Variants in CCDC85A observed in about 807,000 individuals in gnomAD.
CCDC85A encodes the protein coiled-coil domain-containing protein 85A.
A neutral mutation model predicts 50.2 loss-of-function variants in CCDC85A; 38 were observed. The observed-to-expected ratio is 0.76, with a 90% CI of 0.58 to 0.99. The LOEUF (loss-of-function observed/expected upper bound fraction) is 0.99, where lower values mean the gene tolerates loss of function less well. Among genes scored for constraint, CCDC85A ranks in the 50% least tolerant of loss-of-function variants. The pLI, the probability that CCDC85A is intolerant of heterozygous loss-of-function variation, is 0.00. For missense variants in CCDC85A, 820 were observed against 742.0 expected, an observed-to-expected ratio of 1.11 and a Z score of -1.22; for synonymous variants, 366 against 301.4, an observed-to-expected ratio of 1.21 and a Z score of -2.22.
intron 2 of CCDC85A, 139 bp downstream of exon 2, chr2:56,193,579 C>T (rs1430200270): frequency 1.1e-6 from 1 of 907,560 alleles, no homozygotes. Context: ...AAATGTTGGA[C>T]CCAAAATCAT....
At chr2:56,339,504 G>C (rs1016053924) in intron 2 of CCDC85A, among the ~76,000 whole-genome samples, 1 of 152,138 alleles carries the variant, frequency 6.6e-6, no homozygotes. Flanking sequence ...TAGATGAAGG[G>C]ATTGAAGACA....
intron 2 of CCDC85A, among the ~76,000 whole-genome samples, chr2:56,278,735 G>A (rs1348548865): frequency 2.6e-5 from 4 of 151,958 alleles, no homozygotes; most frequent in Non-Finnish European, 5.9e-5. Context: ...CACCACGCCC[G>A]GCTAATTTCT....
chr2:56,224,912 A>G (rs1356615951), intron 2 of CCDC85A, among the ~76,000 whole-genome samples: 1 of 152,066 alleles, frequency 6.6e-6, no homozygotes, highest in Non-Finnish European at 1.5e-5. Flanking sequence ...ATTTTCTTAC[A>G]AGCAGAAAAG....
chr2:56,272,762 G>A (rs965283354), intron 2 of CCDC85A, among the ~76,000 whole-genome samples: 6 of 152,156 alleles, frequency 3.9e-5, no homozygotes, highest in African/African-American at 9.7e-5. Flanking sequence ...CTCAATAAAA[G>A]GCCTTTTTCT....
At chr2:56,193,487 A>G (rs1383857508) in intron 2 of CCDC85A, 47 bp downstream of exon 2, 7 of 1,524,588 alleles carry the variant, frequency 4.6e-6, no homozygotes, top group African/African-American at 1.4e-5. Context: ...GGAACTCAGT[A>G]GAGAGTTACG....
chr2:56,282,004 A>G (rs1212985209), intron 2 of CCDC85A, among the ~76,000 whole-genome samples: 1 of 152,142 alleles, frequency 6.6e-6, no homozygotes, highest in African/African-American at 2.4e-5. Flanking sequence ...TGCATACTCT[A>G]AGATTGCAAA....
In CCDC85A at chr2:56,329,945, GTTTTTTTTTTTTTTTTTTTTT is replaced by G. The variant is rs535050957; in HGVS notation, c.1241-12918_1241-12898del. Reference sequence around the variant, plus strand: ...AAAATTTGTTTTTTACAGATTTCCTGTTTTTTTTTTTTTTTTTTTTTTTTTTTTTTTTTTTTACCAATTTCC... The same window carrying G: ...AAAATTTGTTTTTTACAGATTTCCTGTTTTTTTTTTTTTTTACCAATTTCC... On this transcript the variant is annotated intron_variant, in intron 2 of 5. Coordinates refer to ENST00000407595, the MANE Select transcript of CCDC85A (RefSeq NM_001080433.2). Among the ~76,000 whole-genome samples the G allele has an allele frequency of 1.1e-3, 47 of 44,118 alleles. 4 individuals are homozygous for G. The highest frequency in any genetic ancestry group is 2.2e-3 in the Admixed American group (7 of 3,176). The allele number at this position is 44,118 out of a possible 152,430, so 28.9% of individuals were successfully genotyped here. A position where few individuals can be genotyped will look rare whatever the true frequency, so the allele number is the denominator to read the frequency against.
At chr2:56,199,693 C>A (rs1676655738) in intron 2 of CCDC85A, among the ~76,000 whole-genome samples, 1 of 152,098 alleles carries the variant, frequency 6.6e-6, no homozygotes, top group South Asian at 2.1e-4. Flanking sequence ...TTTCTAAATT[C>A]TTTTCTGCTG....
intron 2 of CCDC85A, among the ~76,000 whole-genome samples, chr2:56,291,282 G>T (rs1348581722): frequency 2.0e-5 from 3 of 152,194 alleles, no homozygotes; most frequent in African/African-American, 7.2e-5. Context: ...TCATCTATTA[G>T]TCAATCAGCA....
intron 2 of CCDC85A, among the ~76,000 whole-genome samples, chr2:56,219,155 C>T (rs1668209693): frequency 1.3e-5 from 2 of 149,102 alleles, no homozygotes; most frequent in Non-Finnish European, 3.0e-5. Flanking sequence ...ACTTCCTTTT[C>T]CTGGGCGCCT....
intron 2 of CCDC85A, among the ~76,000 whole-genome samples, chr2:56,291,403 T>G (rs981304649): frequency 5.3e-5 from 8 of 152,144 alleles, no homozygotes; most frequent in Non-Finnish European, 1.2e-4. Context: ...ATATCATTAG[T>G]TAGTGAAAAG....
intron 2 of CCDC85A, among the ~76,000 whole-genome samples, chr2:56,285,933 T>G (rs1204005834): frequency 6.6e-6 from 1 of 152,172 alleles, no homozygotes; most frequent in Non-Finnish European, 1.5e-5. Flanking sequence ...CTGTGTTATC[T>G]CTGCAAATGG....
At chr2:56,305,473 T>C (rs2104206072) in intron 2 of CCDC85A, among the ~76,000 whole-genome samples, 1 of 152,352 alleles carries the variant, frequency 6.6e-6, no homozygotes, top group African/African-American at 2.4e-5. Flanking sequence ...TTAAACGCTG[T>C]AATCCCTCTG....
chr2:56,381,962 C>T (rs1039482529), intron 5 of CCDC85A, among the ~76,000 whole-genome samples: 7 of 151,962 alleles, frequency 4.6e-5, no homozygotes, highest in African/African-American at 1.7e-4. Flanking sequence ...GCTTGCCCCC[C>T]TTGTTTACCT....
intron 2 of CCDC85A, among the ~76,000 whole-genome samples, chr2:56,326,200 A>G (rs1673463434): frequency 6.6e-6 from 1 of 152,130 alleles, no homozygotes; most frequent in South Asian, 2.1e-4. Flanking sequence ...ATTGCAGCCT[A>G]CGTGACTTTG....
At chr2:56,266,135 G>T (rs1670428799) in intron 2 of CCDC85A, among the ~76,000 whole-genome samples, 1 of 152,186 alleles carries the variant, frequency 6.6e-6, no homozygotes, top group African/African-American at 2.4e-5. Context: ...AAGGCTAGGG[G>T]AGTGAGAGTT....
chr2:56,212,380 G>A (rs1029144886), intron 2 of CCDC85A, among the ~76,000 whole-genome samples: 6 of 151,820 alleles, frequency 4.0e-5, no homozygotes, highest in African/African-American at 1.5e-4. Context: ...TTATGGAATG[G>A]CCAACTGATT....
intron 2 of CCDC85A, among the ~76,000 whole-genome samples, chr2:56,305,207 G>T (rs908505232): frequency 1.3e-5 from 2 of 152,154 alleles, no homozygotes; most frequent in African/African-American, 4.8e-5. Flanking sequence ...ACTGGTACAT[G>T]ATCATTTTAA....
At chr2:56,365,124 GA>G (rs1319025437) in intron 3 of CCDC85A, among the ~76,000 whole-genome samples, 1 of 152,178 alleles carries the variant, frequency 6.6e-6, no homozygotes, top group Non-Finnish European at 1.5e-5. Flanking sequence ...CAGGAAGATA[GA>G]ACTAATTTTA....
Sources: allele counts gnomAD v4.1 joint callset (sites outside exome capture counted in the v4.1 genomes callset), GRCh38; gene constraint gnomAD v4.1.1; transcripts MANE v1.5; gene names NCBI Gene and HGNC (gene_info 2026-07-23, HGNC 2026-07-21).